Variants in RBFOX1 observed in about 807,000 individuals in gnomAD.
RBFOX1 encodes RNA binding fox-1 homolog 1, also known as RNA binding protein fox-1 homolog 1.
A neutral mutation model predicts 57.7 loss-of-function variants in RBFOX1; 8 were observed. The observed-to-expected ratio is 0.14, with a 90% CI of 0.08 to 0.25. RBFOX1 has a LOEUF of 0.25. RBFOX1 is among the 10% of genes least tolerant of loss of function. RBFOX1 has a pLI of 1.00. For missense variants in RBFOX1, 611 were observed against 548.5 expected, an observed-to-expected ratio of 1.11 and a Z score of -1.14; for synonymous variants, 326 against 222.4, an observed-to-expected ratio of 1.47 and a Z score of -4.15.
At chr16:6,140,057 A>AT (rs1274745229) in intron 1 of RBFOX1, among the ~76,000 whole-genome samples, 1 of 152,060 alleles carries the variant, frequency 6.6e-6, no homozygotes, top group Non-Finnish European at 1.5e-5. Context: ...TTTCCCTTTG[A>AT]TTTCTCTGAA....
intron 4 of RBFOX1, among the ~76,000 whole-genome samples, chr16:7,506,117 G>A (rs145523005): frequency 4.4e-4 from 65 of 147,728 alleles, no homozygotes; most frequent in East Asian, 2.0e-3. Flanking sequence ...CCCAGGAGGC[G>A]GAGTTTGCAG....
intron 4 of RBFOX1, among the ~76,000 whole-genome samples, chr16:7,077,991 C>G (rs1028394822): frequency 6.6e-6 from 1 of 152,152 alleles, no homozygotes; most frequent in Non-Finnish European, 1.5e-5. Context: ...CTGAGTTACT[C>G]TGGGGCCCGG....
At chr16:7,445,304 G>A (rs929537739) in intron 4 of RBFOX1, among the ~76,000 whole-genome samples, 3 of 152,190 alleles carry the variant, frequency 2.0e-5, no homozygotes, top group Non-Finnish European at 4.4e-5. Flanking sequence ...TAGAGCCTCT[G>A]TAATCTTAGC....
chr16:5,389,947 C>T lies in RBFOX1; in HGVS notation c.220-77269C>T, dbSNP rs948504391. Among the ~76,000 whole-genome samples the T allele has an allele frequency of 6.6e-5, 10 of 152,116 alleles. 1 individual carries two copies. The South Asian group carries it at 1.0e-3, about 16-fold the overall frequency. On this transcript the variant is annotated intron_variant, in intron 1 of 2. Coordinates refer to the RBFOX1 transcript ENST00000585867. ...TCCTGACCTTCAGGTGATCCCCCTT[C>T]CTCCGCCTCCCAAAGTGCTGGGATT...
At chr16:6,193,107 A>G (rs1309069930) in intron 1 of RBFOX1, among the ~76,000 whole-genome samples, 1 of 151,902 alleles carries the variant, frequency 6.6e-6, no homozygotes, top group Non-Finnish European at 1.5e-5. Context: ...TCTGTAATAC[A>G]TTTAGTGATT....
At chr16:6,761,315 T>C (rs2076565095) in intron 3 of RBFOX1, among the ~76,000 whole-genome samples, 1 of 152,106 alleles carries the variant, frequency 6.6e-6, no homozygotes. Context: ...TTGAAGCCTT[T>C]TGTCTGAAAA....
At chr16:6,884,306 C>G (rs560198926) in intron 3 of RBFOX1, among the ~76,000 whole-genome samples, 3 of 152,294 alleles carry the variant, frequency 2.0e-5, no homozygotes, top group African/African-American at 7.2e-5. Flanking sequence ...AACTGCAGCT[C>G]TGAGCCTTGC....
intron 3 of RBFOX1, among the ~76,000 whole-genome samples, chr16:6,982,108 C>T (rs140202633): frequency 6.6e-6 from 1 of 152,084 alleles, no homozygotes; most frequent in Non-Finnish European, 1.5e-5. Context: ...GGCCCCCGCA[C>T]CAATGACTAA....
At chr16:7,228,027 C>A (rs2093260140) in intron 4 of RBFOX1, among the ~76,000 whole-genome samples, 1 of 152,112 alleles carries the variant, frequency 6.6e-6, no homozygotes, top group African/African-American at 2.4e-5. Context: ...AGCACCCACC[C>A]ACCAGGTTGT....
At chr16:5,913,505 G>A (rs1029838358) in intron 4 of RBFOX1, among the ~76,000 whole-genome samples, 9 of 152,092 alleles carry the variant, frequency 5.9e-5, no homozygotes, top group Non-Finnish European at 7.4e-5. Flanking sequence ...CTTCCTTGCC[G>A]TATGACACAC....
At chr16:5,848,305 A>T (rs1005674051) in intron 3 of RBFOX1, among the ~76,000 whole-genome samples, 1 of 152,090 alleles carries the variant, frequency 6.6e-6, no homozygotes, top group East Asian at 1.9e-4. Flanking sequence ...TCTATCCCCT[A>T]TATGGAAACC....
chr16:6,946,477 C>T (rs901237197), intron 3 of RBFOX1, among the ~76,000 whole-genome samples: 1 of 152,176 alleles, frequency 6.6e-6, no homozygotes, highest in Admixed American at 6.5e-5. Context: ...AATGGGCTTT[C>T]TGCATAGCCT....
At chr16:7,095,211 A>C (rs550203764) in intron 4 of RBFOX1, among the ~76,000 whole-genome samples, 2 of 152,104 alleles carry the variant, frequency 1.3e-5, no homozygotes, top group Non-Finnish European at 2.9e-5. Flanking sequence ...ATCTCAGCTC[A>C]CTGCAACCTC....
At chr16:5,402,890 A>T (rs894549899) in intron 1 of RBFOX1, among the ~76,000 whole-genome samples, 5 of 152,220 alleles carry the variant, frequency 3.3e-5, no homozygotes, top group African/African-American at 1.2e-4. Context: ...AGTAAACAAG[A>T]GAGATAATTA....
intron 1 of RBFOX1, among the ~76,000 whole-genome samples, chr16:6,272,863 G>C (rs2075351721): frequency 6.6e-6 from 1 of 152,132 alleles, no homozygotes; most frequent in African/African-American, 2.4e-5. Context: ...TATGGTACTA[G>C]AGAAACTGGG....
At chr16:6,950,103 C>A (rs912142663) in intron 3 of RBFOX1, among the ~76,000 whole-genome samples, 2 of 145,240 alleles carry the variant, frequency 1.4e-5, no homozygotes, top group African/African-American at 5.1e-5. Context: ...TGCGCCACTA[C>A]GCAGAGGTAA....
At chr16:7,463,860 T>A (rs1599048533) in intron 4 of RBFOX1, among the ~76,000 whole-genome samples, 1 of 152,190 alleles carries the variant, frequency 6.6e-6, no homozygotes, top group Non-Finnish European at 1.5e-5. Context: ...TCAAATTGAT[T>A]GGATCATTTA....
At chr16:6,072,868 A>T (rs932996193) in intron 1 of RBFOX1, among the ~76,000 whole-genome samples, 5 of 152,294 alleles carry the variant, frequency 3.3e-5, no homozygotes, top group African/African-American at 9.6e-5. Context: ...GATGTGAAAG[A>T]TAGGTCTGTT....
intron 15 of RBFOX1, chr16:7,710,048 G>T: frequency 1.0e-6 from 1 of 1,001,736 alleles, no homozygotes; most frequent in Non-Finnish European, 1.2e-6. Context: ...GTTCACTGAA[G>T]CTCAGTCATA....
Sources: gnomAD v4.1 joint callset for allele counts (sites outside exome capture counted in the v4.1 genomes callset) on GRCh38, gnomAD v4.1.1 for gene constraint, MANE v1.5 for transcripts, NCBI Gene and HGNC (gene_info 2026-07-23, HGNC 2026-07-21) for gene names.